Variants in CYP7B1 observed in about 807,000 individuals in gnomAD.
CYP7B1 encodes cytochrome P450 family 7 subfamily B member 1, also known as cytochrome P450 7B1.
Under a neutral mutation model 42.7 loss-of-function variants are expected in CYP7B1, and 29 were observed. The observed-to-expected ratio is 0.68, with a 90% CI of 0.51 to 0.93. CYP7B1 has a LOEUF of 0.93. Among genes scored for constraint, CYP7B1 ranks in the 40% least tolerant of loss-of-function variants. CYP7B1 has a pLI of 0.00. For synonymous variants in CYP7B1, 235 were observed against 218.2 expected (o/e 1.08, Z -0.68); for missense variants, 655 against 600.5 (o/e 1.09, Z -0.95).
chr8:64,755,481 C>T (rs1585896363), intron 1 of CYP7B1, among the ~76,000 whole-genome samples: 1 of 152,058 alleles, frequency 6.6e-6, no homozygotes, highest in South Asian at 2.1e-4. Context: ...GGCAATGGCA[C>T]GATCTCGGCT....
intron 1 of CYP7B1, among the ~76,000 whole-genome samples, chr8:64,756,408 T>C (rs1475958456): frequency 1.3e-5 from 2 of 152,206 alleles, no homozygotes; most frequent in Non-Finnish European, 2.9e-5. Flanking sequence ...ATCCTTCACA[T>C]TAAGGTAGAA....
At chr8:64,671,272 G>GA (rs975929134) in intron 1 of CYP7B1, among the ~76,000 whole-genome samples, 2 of 151,994 alleles carry the variant, frequency 1.3e-5, no homozygotes, top group African/African-American at 4.8e-5. Flanking sequence ...GGTGGGGGCA[G>GA]AAAAAAGGGT....
At chr8:64,680,748 T>C (rs1806524258) in intron 1 of CYP7B1, among the ~76,000 whole-genome samples, 1 of 152,212 alleles carries the variant, frequency 6.6e-6, no homozygotes, top group Non-Finnish European at 1.5e-5. Context: ...TTCTTCTGAC[T>C]TTTAAAATTA....
chr8:64,600,804 T>C (rs546302076), intron 5 of CYP7B1, among the ~76,000 whole-genome samples: 1 of 152,072 alleles, frequency 6.6e-6, no homozygotes, highest in African/African-American at 2.4e-5. Flanking sequence ...AGTTCCAATA[T>C]GGTAGGTATG....
intron 1 of CYP7B1, among the ~76,000 whole-genome samples, chr8:64,707,923 G>A (rs562297925): frequency 4.6e-5 from 7 of 152,220 alleles, no homozygotes; most frequent in South Asian, 4.2e-4. Context: ...ACTGGGGAGG[G>A]AGGAAGATAG....
chr8:64,732,323 C>A (rs1025139979), intron 1 of CYP7B1, among the ~76,000 whole-genome samples: 4 of 152,150 alleles, frequency 2.6e-5, no homozygotes, highest in African/African-American at 9.7e-5. Context: ...ATATGAAGTC[C>A]AAGGAGATCA....
chr8:64,731,869 G>A (rs116916010), intron 1 of CYP7B1, among the ~76,000 whole-genome samples: 2,635 of 152,338 alleles, frequency 0.017, 28 homozygotes, highest in Middle Eastern at 0.027. Flanking sequence ...GAGGGTGTAA[G>A]CCCCAAGCCT....
Position 64,593,230 on chromosome 8 carries a change from A to AGG in CYP7B1, c.*3410_*3411dup, listed in dbSNP as rs138770801. 0.078 allele frequency among the ~76,000 whole-genome samples: 8,904 copies of AGG among 113,480 alleles called. 484 individuals carry two copies. The highest frequency in any genetic ancestry group is 0.11 in the Middle Eastern group (25 of 220). 74.4% of individuals were successfully genotyped at this position (113,480 alleles called of 152,430 possible). A position where few individuals can be genotyped will look rare whatever the true frequency, so the allele number is the denominator to read the frequency against. ...TGTGGTGGACTAAAGGCTAGGGCCC[A>AGG]GGGTGTGTGTGTGTGTGTGTGTGTG... On this transcript the variant is annotated 3_prime_UTR_variant, in exon 6 of 6. Coordinates refer to ENST00000310193, the MANE Select transcript of CYP7B1 (RefSeq NM_004820.5).
chr8:64,766,986 A>T (rs1807982229), intron 1 of CYP7B1, among the ~76,000 whole-genome samples: 1 of 152,146 alleles, frequency 6.6e-6, no homozygotes. Flanking sequence ...CAGTCACTAG[A>T]TACTTCTCCC....
At chr8:64,643,850 T>TA (rs1348093598) in intron 1 of CYP7B1, among the ~76,000 whole-genome samples, 1 of 152,200 alleles carries the variant, frequency 6.6e-6, no homozygotes, top group African/African-American at 2.4e-5. Flanking sequence ...CCTACCTGTT[T>TA]AAGTTTTATC....
intron 5 of CYP7B1, among the ~76,000 whole-genome samples, chr8:64,603,624 A>G (rs1234998978): frequency 6.6e-6 from 1 of 152,182 alleles, no homozygotes; most frequent in Non-Finnish European, 1.5e-5. Flanking sequence ...TTGTTTGCAG[A>G]ATGTTCCTTC....
chr8:64,760,268 A>T (rs1807869227), intron 1 of CYP7B1, among the ~76,000 whole-genome samples: 1 of 152,068 alleles, frequency 6.6e-6, no homozygotes. Context: ...ACTCAAACAT[A>T]AGGCCTGAAA....
At position 64,751,517 on chromosome 8, in the gene CYP7B1, T is replaced by C. The variant is rs192992997; in HGVS notation, c.122+46949A>G. 3.4e-3 allele frequency among the ~76,000 whole-genome samples: 518 copies of C among 152,330 alleles called. 3 individuals are homozygous for C. The highest frequency in any genetic ancestry group is 5.9e-3 in the Non-Finnish European group (403 of 68,012). On this transcript the variant is annotated intron_variant, in intron 1 of 5. Coordinates refer to ENST00000310193, the MANE Select transcript of CYP7B1 (RefSeq NM_004820.5). ...ATTTTTACTACTATAATAAATGCTA[T>C]AATATATAGCATTCATATAAGGATG...
chr8:64,775,317 A>C (rs759422123), intron 1 of CYP7B1, among the ~76,000 whole-genome samples: 2 of 152,086 alleles, frequency 1.3e-5, no homozygotes, highest in Non-Finnish European at 2.9e-5. Context: ...AGGAATTCCA[A>C]ATAACCACCT....
intron 1 of CYP7B1, among the ~76,000 whole-genome samples, chr8:64,727,571 T>C (rs1344440415): frequency 6.6e-6 from 1 of 152,214 alleles, no homozygotes; most frequent in Non-Finnish European, 1.5e-5. Flanking sequence ...CCACCGCATC[T>C]GTCCCAGTAC....
At chr8:64,755,750 T>C (rs1436886732) in intron 1 of CYP7B1, among the ~76,000 whole-genome samples, 1 of 152,170 alleles carries the variant, frequency 6.6e-6, no homozygotes, top group East Asian at 1.9e-4. Flanking sequence ...GGGGACAAAA[T>C]TTCCACATAT....
intron 1 of CYP7B1, among the ~76,000 whole-genome samples, chr8:64,788,249 T>C (rs958034553): frequency 1.3e-5 from 2 of 152,164 alleles, no homozygotes; most frequent in Non-Finnish European, 2.9e-5. Context: ...AAGGTGTTAA[T>C]AGTAAGGGAA....
At position 64,596,588 on chromosome 8, in the gene CYP7B1, C is replaced by T; in HGVS notation, c.*54G>A. 6.7e-7 allele frequency: 1 copy of T among 1,502,906 alleles called. No individual in the cohort carries two copies. Among genetic ancestry groups the T allele is most frequent in the Non-Finnish European group, 9.1e-7 (1 of 1,095,900 alleles). The allele number at this position is 1,502,906 out of a possible 1,614,324, so 93.1% of individuals were successfully genotyped here. On this transcript the variant is annotated 3_prime_UTR_variant, in exon 6 of 6. Transcript: ENST00000310193. ...CAGAAATTAAAAAGAAATAGATGAG[C>T]TTAGGATGTTTAGGGTAATTTTGAT...
At chr8:64,693,481 C>T (rs567561327) in intron 1 of CYP7B1, among the ~76,000 whole-genome samples, 177 of 152,230 alleles carry the variant, frequency 1.2e-3, no homozygotes, top group South Asian at 2.9e-3. Flanking sequence ...CACAACACTG[C>T]GCAAGTGAGA....
Sources: allele counts gnomAD v4.1 joint callset (sites outside exome capture counted in the v4.1 genomes callset), GRCh38; gene constraint gnomAD v4.1.1; transcripts MANE v1.5; gene names NCBI Gene and HGNC (gene_info 2026-07-23, HGNC 2026-07-21).